Variants in SOX5 observed in about 807,000 individuals in gnomAD.
The protein encoded by SOX5 is transcription factor SOX-5.
A neutral mutation model predicts 92.0 loss-of-function variants in SOX5; 9 were observed. That is an observed-to-expected ratio of 0.10 (90% CI 0.06 to 0.17). The LOEUF (loss-of-function observed/expected upper bound fraction) is 0.17, where lower values mean the gene tolerates loss of function less well. Among genes scored for constraint, SOX5 ranks in the 10% least tolerant of loss-of-function variants. SOX5 has a pLI of 1.00. For synonymous variants in SOX5, 344 were observed against 336.3 expected (o/e 1.02, Z -0.25); for missense variants, 642 against 944.5 (o/e 0.68, Z 4.20).
chr12:24,256,489 C>T (rs1330715481), intron 3 of SOX5, among the ~76,000 whole-genome samples: 1 of 152,200 alleles, frequency 6.6e-6, no homozygotes, highest in Non-Finnish European at 1.5e-5. Flanking sequence ...GGCCCTTCTC[C>T]TTCTAGTTGC....
chr12:24,149,747 C>T (rs1244527511), intron 4 of SOX5, among the ~76,000 whole-genome samples: 2 of 151,920 alleles, frequency 1.3e-5, no homozygotes, highest in Non-Finnish European at 2.9e-5. Flanking sequence ...TTGTAACAGC[C>T]GATCTAGAAA....
chr12:23,928,692 G>C (rs1334448561), intron 1 of SOX5, among the ~76,000 whole-genome samples: 1 of 151,716 alleles, frequency 6.6e-6, no homozygotes, highest in Non-Finnish European at 1.5e-5. Context: ...AATGTTGCTT[G>C]CTCTTAGAGT....
At chr12:24,116,110 A>G (rs913232186) in intron 4 of SOX5, among the ~76,000 whole-genome samples, 1 of 152,154 alleles carries the variant, frequency 6.6e-6, no homozygotes, top group Non-Finnish European at 1.5e-5. Flanking sequence ...GAGCTGATAA[A>G]ACGTTACAAC....
At chr12:23,584,421 G>C in intron 9 of SOX5, 1 of 775,494 alleles carries the variant, frequency 1.3e-6, no homozygotes, top group South Asian at 1.4e-5. Context: ...GTTATACGCA[G>C]ATAGGCCATC....
intron 1 of SOX5, among the ~76,000 whole-genome samples, chr12:24,526,455 C>T (rs569248371): frequency 1.1e-4 from 16 of 152,216 alleles, no homozygotes; most frequent in African/African-American, 3.9e-4. Context: ...ATAGCGAAAA[C>T]GCAAACGCAG....
chr12:23,897,176 G>A (rs2097185755), intron 1 of SOX5, among the ~76,000 whole-genome samples: 2 of 152,086 alleles, frequency 1.3e-5, no homozygotes, highest in South Asian at 4.1e-4. Flanking sequence ...TGAGATGGGA[G>A]GCAGGGAAGT....
intron 7 of SOX5, among the ~76,000 whole-genome samples, chr12:23,658,877 A>G (rs1008773241): frequency 6.6e-6 from 1 of 152,250 alleles, no homozygotes; most frequent in Admixed American, 6.5e-5. Flanking sequence ...TGGGCAACAG[A>G]GCGAGACTCC....
At chr12:24,132,252 A>C (rs897727406) in intron 4 of SOX5, among the ~76,000 whole-genome samples, 26 of 152,162 alleles carry the variant, frequency 1.7e-4, no homozygotes, top group Admixed American at 1.6e-3. Context: ...TAAACAGTTA[A>C]GAATGATCCT....
intron 1 of SOX5, among the ~76,000 whole-genome samples, chr12:23,928,281 G>A (rs1940521243): frequency 2.0e-5 from 3 of 152,042 alleles, no homozygotes; most frequent in Admixed American, 1.3e-4. Context: ...TCCATTAGCA[G>A]AGGGCCCTTT....
intron 3 of SOX5, among the ~76,000 whole-genome samples, chr12:24,262,366 G>A (rs559149648): frequency 1.3e-5 from 2 of 152,210 alleles, no homozygotes; most frequent in East Asian, 3.9e-4. Context: ...TTAGTTTAGA[G>A]GTAGATTTCA....
chr12:24,512,013 T>A (rs1400186769), intron 1 of SOX5, among the ~76,000 whole-genome samples: 1 of 152,006 alleles, frequency 6.6e-6, no homozygotes, highest in Non-Finnish European at 1.5e-5. Context: ...GTTATCCTGA[T>A]TAAATTCAAT....
chr12:23,725,933 A>C (rs2093086165), intron 6 of SOX5, among the ~76,000 whole-genome samples: 1 of 152,184 alleles, frequency 6.6e-6, no homozygotes, highest in African/African-American at 2.4e-5. Flanking sequence ...TTCCACTTCT[A>C]GAATACTCTC....
intron 4 of SOX5, among the ~76,000 whole-genome samples, chr12:24,018,673 A>T (rs7132471): frequency 0.94 from 143,722 of 152,134 alleles, 68,403 homozygotes; most frequent in South Asian, 1. Context: ...GGCATGTGCC[A>T]ATAATCCCAG....
At chr12:23,951,653 T>C (rs200054627), upstream of SOX5, among the ~76,000 whole-genome samples, 5,525 of 151,566 alleles carry the variant, frequency 0.036, 369 homozygotes, top group East Asian at 0.29. Context: ...AATATATATA[T>C]ACACACACAC....
intron 14 of SOX5, 149 bp from the exon 15 acceptor site, chr12:23,534,671 T>A: frequency 1.6e-6 from 1 of 628,910 alleles, no homozygotes; most frequent in African/African-American, 1.8e-5. Flanking sequence ...TCCATCCTAC[T>A]TGAACTTTAA....
At chr12:24,154,379 G>A (rs889841846) in intron 4 of SOX5, among the ~76,000 whole-genome samples, 3 of 152,082 alleles carry the variant, frequency 2.0e-5, no homozygotes, top group Non-Finnish European at 2.9e-5. Context: ...GGTTCTGGTT[G>A]GCAGGAAGAA....
chr12:24,448,983 C>T (rs868698190), intron 1 of SOX5, among the ~76,000 whole-genome samples: 1 of 152,094 alleles, frequency 6.6e-6, no homozygotes, highest in Admixed American at 6.6e-5. Context: ...AATTTCCTCC[C>T]CGCTACACCC....
At chr12:24,546,475 C>T (rs1761744006) in intron 1 of SOX5, among the ~76,000 whole-genome samples, 1 of 152,174 alleles carries the variant, frequency 6.6e-6, no homozygotes, top group African/African-American at 2.4e-5. Context: ...CTCGGCTAGT[C>T]CTGCCCTGTA....
rs1043519773 is a variant in SOX5, at chr12:24,346,000, C to T, written c.-174+22563G>A. 3.3e-5 allele frequency among the ~76,000 whole-genome samples: 5 copies of T among 152,304 alleles called. No individual in the cohort carries two copies. In the East Asian group the frequency reaches 9.6e-4, roughly 29 times the overall value. ...GGTTCCATAAATCACTCACACTACC[C>T]TGTCTCTATGTTGGCTTATCTGATC... On this transcript the variant is annotated intron_variant, in intron 2 of 4. Coordinates refer to the SOX5 transcript ENST00000446891.
Sources: allele counts gnomAD v4.1 joint callset (sites outside exome capture counted in the v4.1 genomes callset), GRCh38; gene constraint gnomAD v4.1.1; transcripts MANE v1.5; gene names NCBI Gene and HGNC (gene_info 2026-07-23, HGNC 2026-07-21).